Variants in BRSK2 observed in about 807,000 individuals in gnomAD.
The protein encoded by BRSK2 is BR serine/threonine kinase 2, also known as serine/threonine-protein kinase BRSK2.
A neutral mutation model predicts 83.3 loss-of-function variants in BRSK2; 19 were observed. That is an observed-to-expected ratio of 0.23 (90% confidence interval 0.16 to 0.33). BRSK2 has a LOEUF of 0.33. BRSK2 is among the 10% of genes least tolerant of loss of function. The pLI is 1.00. For synonymous variants in BRSK2, 519 were observed against 435.4 expected (o/e 1.19, Z -2.39); for missense variants, 798 against 1,042.3 (o/e 0.77, Z 3.23).
At chr11:1,446,112 G>T (rs1186408015) in intron 12 of BRSK2, among the ~76,000 whole-genome samples, 1 of 143,340 alleles carries the variant, frequency 7.0e-6, no homozygotes, top group Non-Finnish European at 1.5e-5. Context: ...GCTGGGCTGG[G>T]AGCTGAGCTG....
Position 1,449,818 on chromosome 11 carries a change from C to T in BRSK2, c.1269C>T (p.Ser423=). ...GTGCCTCCTCAGGCCTTTCCACCAG[C>T]CCACTCAGCAGCCCCCGGGTGAGTG... ...ISGASSGLST[S]PLSSPRVTPH... is the part of the protein sequence containing the mutation. Residue 423 remains serine, a synonymous_variant, in exon 13 of 20, where the codon AGC becomes AGT. Transcript: ENST00000528841. 2.5e-6 allele frequency: 4 copies of T among 1,612,142 alleles called. No individual in the cohort carries two copies. The highest frequency in any genetic ancestry group is 1.7e-4 in the Middle Eastern group (1 of 6,056).
chr11:1,425,627 GA>G (rs1166191836), intron 1 of BRSK2, among the ~76,000 whole-genome samples: 1 of 152,178 alleles, frequency 6.6e-6, no homozygotes, highest in Non-Finnish European at 1.5e-5. Context: ...ACCTACAGGG[GA>G]CGCATTCAGC....
intron 4 of BRSK2, among the ~76,000 whole-genome samples, chr11:1,441,150 TC>T (rs200652013): frequency 5.8e-5 from 3 of 51,388 alleles, no homozygotes; most frequent in South Asian, 9.7e-4. Flanking sequence ...AAGTGCACCG[TC>T]CCCCCATTAG....
chr11:1,440,202 G>T (rs1035285324), intron 3 of BRSK2, among the ~76,000 whole-genome samples: 2 of 152,166 alleles, frequency 1.3e-5, no homozygotes, highest in African/African-American at 4.8e-5. Context: ...GACCCTCCAT[G>T]TGGCTGAGAC....
chr11:1,399,009 A>T (rs1846298660), intron 1 of BRSK2, among the ~76,000 whole-genome samples: 1 of 152,060 alleles, frequency 6.6e-6, no homozygotes, highest in Non-Finnish European at 1.5e-5. Flanking sequence ...CCCCGTGGTG[A>T]CTTCTTGCAC....
Position 1,443,485 on chromosome 11 carries a change from G to A in BRSK2, c.634-4G>A, listed in dbSNP as rs765088980. On this transcript the variant is annotated splice_region_variant and splice_polypyrimidine_tract_variant and intron_variant, in intron 7 of 19. Coordinates refer to ENST00000528841, the MANE Select transcript of BRSK2 (RefSeq NM_001256627.2). Reference sequence around the variant, plus strand: ...CGCTGACCCCCACACCCGGCCGCCCGCAGGGGGCTCTGCCCTTCGACGATG... The same window carrying A: ...CGCTGACCCCCACACCCGGCCGCCCACAGGGGGCTCTGCCCTTCGACGATG... The A allele has an allele frequency of 2.8e-5, 45 of 1,585,678 alleles. No individual in the cohort carries two copies. The highest frequency in any genetic ancestry group is 3.8e-5 in the Non-Finnish European group (44 of 1,164,454).
chr11:1,408,653 C>T lies in BRSK2; in HGVS notation c.91+18278C>T, dbSNP rs569370654. On this transcript the variant is annotated intron_variant, in intron 1 of 19. Transcript: ENST00000528841. ...TGATGGCACAGGTCAGGGTTCACGT[C>T]GGAACCCTCCCCGCTGGTCCTTACT... is the stretch of plus-strand genomic sequence containing the variant. Among the ~76,000 whole-genome samples, 11 of 152,288 alleles carry T rather than the reference C, an allele frequency of 7.2e-5. 1 individual carries two copies. The South Asian group carries it at 1.5e-3, about 20-fold the overall frequency.
intron 1 of BRSK2, among the ~76,000 whole-genome samples, chr11:1,424,906 G>A (rs1369127611): frequency 6.6e-6 from 1 of 152,218 alleles, no homozygotes; most frequent in Non-Finnish European, 1.5e-5. Context: ...CACCTCGTGG[G>A]CCCAGAGTGC....
intron 1 of BRSK2, among the ~76,000 whole-genome samples, chr11:1,413,180 C>G (rs1217387418): frequency 6.6e-6 from 1 of 152,138 alleles, no homozygotes; most frequent in Non-Finnish European, 1.5e-5. Context: ...TGTCCAGCTG[C>G]CATGAGCTCC....
rs1376097695 is a variant in BRSK2, at chr11:1,460,811, C to T, written c.*88C>T. On this transcript the variant is annotated 3_prime_UTR_variant, in exon 20 of 20. Coordinates refer to ENST00000528841, the MANE Select transcript of BRSK2 (RefSeq NM_001256627.2). ...CCTGCCCCGAGTGGACCCGCGGCCG[C>T]GCCGCCCGTCCGTCCAGACTGTTCT... 8.8e-6 allele frequency: 13 copies of T among 1,479,536 alleles called. 1 individual carries two copies. The highest frequency in any genetic ancestry group is 3.9e-5 in the South Asian group (3 of 77,920). 91.7% of individuals were successfully genotyped at this position (1,479,536 alleles called of 1,614,324 possible).
At chr11:1,421,214 C>T (rs1411085860) in intron 1 of BRSK2, among the ~76,000 whole-genome samples, 2 of 152,180 alleles carry the variant, frequency 1.3e-5, no homozygotes, top group Non-Finnish European at 2.9e-5. Flanking sequence ...CTTCACCCCC[C>T]AGGACGGGGT....
chr11:1,461,115 G>T lies in BRSK2; in HGVS notation c.*392G>T, dbSNP rs1437755778. On this transcript the variant is annotated 3_prime_UTR_variant, in exon 20 of 20. Coordinates refer to ENST00000528841, the MANE Select transcript of BRSK2 (RefSeq NM_001256627.2). Reference sequence around the variant, plus strand: ...CCAGCGCCCCGTCCACCCCGCGGCAGCTCCTCGCCTCAGCTCCGCACGGCC... The same window carrying T: ...CCAGCGCCCCGTCCACCCCGCGGCATCTCCTCGCCTCAGCTCCGCACGGCC... 1.1e-5 allele frequency: 15 copies of T among 1,411,068 alleles called. No homozygotes were observed. The highest frequency in any genetic ancestry group is 1.3e-5 in the Non-Finnish European group (13 of 1,032,514). 87.4% of individuals were successfully genotyped at this position (1,411,068 alleles called of 1,614,324 possible).
intron 1 of BRSK2, among the ~76,000 whole-genome samples, chr11:1,391,159 ACTCTCCCCGG>A (rs1262223429): frequency 1.3e-5 from 2 of 151,686 alleles, no homozygotes; most frequent in East Asian, 3.9e-4. Context: ...CATGTGGCCA[ACTCTCCCCGG>A]CCCGCTGGGT....
chr11:1,390,425 C>A lies in BRSK2; in HGVS notation c.91+50C>A, dbSNP rs187905817. 22,201 of 972,222 alleles carry A rather than the reference C, an allele frequency of 0.023. 2,872 individuals carry two copies. In the African/African-American group the frequency reaches 0.32, roughly 14 times the overall value. 60.2% of individuals were successfully genotyped at this position (972,222 alleles called of 1,614,324 possible). A position where few individuals can be genotyped will look rare whatever the true frequency, so the allele number is the denominator to read the frequency against. On this transcript the variant is annotated intron_variant, in intron 1 of 19. Coordinates refer to ENST00000528841, the MANE Select transcript of BRSK2 (RefSeq NM_001256627.2). This position sits in a 1 kb window ranked among gnomAD's most constrained non-coding sequence, Gnocchi z 6.8. ...GGGGCCGGGGAGGCCGCGCTGGCAG[C>A]GCGCTGGGTGGGGGGCGCCCGAGGG...
chr11:1,393,997 T>C (rs1057254312), intron 1 of BRSK2, among the ~76,000 whole-genome samples: 132 of 59,884 alleles, frequency 2.2e-3, no homozygotes, highest in Non-Finnish European at 2.9e-3. Context: ...TGGAGATGGG[T>C]CCCTGGAGAT....
At chr11:1,398,097 G>T (rs1846234702) in intron 1 of BRSK2, among the ~76,000 whole-genome samples, 1 of 152,204 alleles carries the variant, frequency 6.6e-6, no homozygotes, top group Non-Finnish European at 1.5e-5. Context: ...GGGGCACAGG[G>T]AGCCTGCCTG....
intron 18 of BRSK2, 30 bp downstream of exon 18, chr11:1,456,717 C>T (rs749651200): frequency 1.3e-4 from 197 of 1,562,812 alleles, no homozygotes; most frequent in South Asian, 2.0e-4. Context: ...GGCCAACCTG[C>T]GGCCTGCGAG....
chr11:1,449,955 C>T (rs1230629695), intron 13 of BRSK2, 119 bp downstream of exon 13: 6 of 671,146 alleles, frequency 8.9e-6, no homozygotes, highest in African/African-American at 1.8e-5. Flanking sequence ...AGGCGCCCCC[C>T]ATGCCCACGC....
chr11:1,400,577 G>A (rs573735831), intron 1 of BRSK2, among the ~76,000 whole-genome samples: 5 of 152,306 alleles, frequency 3.3e-5, no homozygotes, highest in South Asian at 4.1e-4. Context: ...AGCCAGGCAC[G>A]GGGCCAGCAA....
Sources: gnomAD v4.1 joint callset for allele counts (sites outside exome capture counted in the v4.1 genomes callset) on GRCh38, gnomAD v4.1.1 for gene constraint, Gnocchi (gnomAD v3.1) non-coding constraint, MANE v1.5 for transcripts, NCBI Gene and HGNC (gene_info 2026-07-23, HGNC 2026-07-21) for gene names.